WWC1: variants seen among roughly 807,000 people sequenced by gnomAD.
WWC1 encodes the protein protein KIBRA.
Under a neutral mutation model 138.4 loss-of-function variants are expected in WWC1, and 55 were observed. The observed-to-expected ratio is 0.40, with a 90% CI of 0.32 to 0.50. WWC1 has a LOEUF of 0.50. WWC1 is among the 20% of genes least tolerant of loss of function. The pLI is 0.72. For missense variants in WWC1, 1,226 were observed against 1,420.4 expected (o/e 0.86, Z 2.20); for synonymous variants, 524 against 564.9 (o/e 0.93, Z 1.03).
At chr5:168,423,448 G>C in intron 10 of WWC1, 85 bp from the exon 11 acceptor site, 3 of 1,431,782 alleles carry the variant, frequency 2.1e-6, no homozygotes, top group Non-Finnish European at 2.8e-6. Flanking sequence ...GTGAGATCAT[G>C]GTGCTTTCCA....
At chr5:168,299,321 T>C (rs1769845809) in intron 1 of WWC1, among the ~76,000 whole-genome samples, 1 of 152,170 alleles carries the variant, frequency 6.6e-6, no homozygotes, top group Admixed American at 6.5e-5. Flanking sequence ...GGAGAGACTT[T>C]GCTAAGGAGC....
At chr5:168,332,273 T>C (rs1773094174) in intron 1 of WWC1, among the ~76,000 whole-genome samples, 1 of 152,202 alleles carries the variant, frequency 6.6e-6, no homozygotes, top group Non-Finnish European at 1.5e-5. Context: ...TATACCATAG[T>C]TCATTCATTT....
chr5:168,320,460 C>T (rs998568270), intron 1 of WWC1, among the ~76,000 whole-genome samples: 1 of 152,178 alleles, frequency 6.6e-6, no homozygotes, highest in Non-Finnish European at 1.5e-5. Context: ...GCTCTCCTTA[C>T]TAACTTGGTG....
chr5:168,394,957 C>T (rs1003378816), intron 3 of WWC1, among the ~76,000 whole-genome samples: 2 of 152,180 alleles, frequency 1.3e-5, no homozygotes, highest in Non-Finnish European at 1.5e-5. Context: ...CTTGTGTCAG[C>T]GGCTTTAGGT....
intron 1 of WWC1, among the ~76,000 whole-genome samples, chr5:168,351,996 C>G (rs895060587): frequency 6.6e-6 from 1 of 152,196 alleles, no homozygotes; most frequent in African/African-American, 2.4e-5. Context: ...GCAGCAGATT[C>G]CGATCTCAGA....
chr5:168,400,098 T>A (rs751045961), intron 5 of WWC1, among the ~76,000 whole-genome samples: 2 of 152,124 alleles, frequency 1.3e-5, no homozygotes, highest in South Asian at 4.2e-4. Flanking sequence ...CAGGATAACT[T>A]TCACCAAATG....
In WWC1 at chr5:168,451,582, T is replaced by G. The variant is rs554970424; in HGVS notation, c.2526-2386T>G. ...CGGGCATGGTGGCACGTGCCTGTAG[T>G]ACTAGCTACTTGGGAGGCTGAGGCA... is the stretch of plus-strand genomic sequence containing the variant. On this transcript the variant is annotated intron_variant, in intron 17 of 22. Coordinates refer to ENST00000265293, the MANE Select transcript of WWC1 (RefSeq NM_015238.3). Among the ~76,000 whole-genome samples the G allele has an allele frequency of 2.0e-5, 3 of 152,212 alleles. No individual in the cohort carries two copies. The South Asian group carries it at 6.2e-4, about 32-fold the overall frequency.
At position 168,292,601 on chromosome 5, in the gene WWC1, G is replaced by C. The variant is rs527321403; in HGVS notation, c.119+330G>C. On this transcript the variant is annotated intron_variant, in intron 1 of 22. Coordinates refer to ENST00000265293, the MANE Select transcript of WWC1 (RefSeq NM_015238.3). The surrounding 1 kb of genome is among the most constrained non-coding windows in gnomAD (Gnocchi z 4.4). ...CCCCCTTTAGGAAGAGAGGTCGGGC[G>C]GGGGCGGGGGTTGGGGGAGCGACCT... 5.0e-4 allele frequency among the ~76,000 whole-genome samples: 76 copies of C among 152,178 alleles called. No individual in the cohort carries two copies. The highest frequency in any genetic ancestry group is 1.8e-3 in the African/African-American group (74 of 41,534).
At chr5:168,449,557 A>G (rs1231043883) in intron 17 of WWC1, among the ~76,000 whole-genome samples, 4 of 143,722 alleles carry the variant, frequency 2.8e-5, no homozygotes, top group Non-Finnish European at 4.5e-5. Flanking sequence ...GTGTGTTCAC[A>G]TGTTTAACAG....
chr5:168,415,722 A>G (rs1780550907), intron 9 of WWC1: 2 of 135,966 alleles, frequency 1.5e-5, no homozygotes, highest in South Asian at 4.7e-4. Flanking sequence ...ATTTTTTGGC[A>G]GGAGCCTTTA....
At chr5:168,295,519 T>TGTGTGTGTGTGTGTG (rs70976473) in intron 1 of WWC1, among the ~76,000 whole-genome samples, 2 of 151,580 alleles carry the variant, frequency 1.3e-5, no homozygotes, top group African/African-American at 4.9e-5. Context: ...TGTGTGTGTG[T>TGTGTGTGTGTGTGTG]TTATTTGCCT....
At chr5:168,304,772 A>C (rs1659724544) in intron 1 of WWC1, among the ~76,000 whole-genome samples, 1 of 152,076 alleles carries the variant, frequency 6.6e-6, no homozygotes, top group African/African-American at 2.4e-5. Flanking sequence ...GGATTGCAGA[A>C]TCGCCTGAGC....
intron 16 of WWC1, among the ~76,000 whole-genome samples, chr5:168,444,186 A>G (rs1755033553): frequency 6.6e-6 from 1 of 152,214 alleles, no homozygotes; most frequent in Non-Finnish European, 1.5e-5. Context: ...GTCTGATGAC[A>G]CTGTGGTCTG....
At position 168,431,322 on chromosome 5, in the gene WWC1, G is replaced by T. The variant is rs141513893; in HGVS notation, c.2158G>T (p.Ala720Ser). Reference protein sequence around the residue: ...TCLFRTRPLDASDTLVFNEVF... With the variant: ...TCLFRTRPLDSSDTLVFNEVF... ...CCTGTTCCGGACCCGGCCTCTGGACGCCTCAGACACTCTAGTGTTCAATGA... is the reference window on the plus strand; with the variant it reads ...CCTGTTCCGGACCCGGCCTCTGGACTCCTCAGACACTCTAGTGTTCAATGA... Residue 720 changes from alanine (A) to serine (S), a missense_variant, in exon 15 of 23, where the codon GCC becomes TCC. Physicochemically the swap from Ala to Ser is moderately conservative, Grantham distance 99. Transcript: ENST00000265293. The T allele has an allele frequency of 1.2e-6, 2 of 1,614,134 alleles. No individual in the cohort carries two copies. Among genetic ancestry groups the T allele is most frequent in the Non-Finnish European group, 1.7e-6 (2 of 1,180,010 alleles).
chr5:168,455,517 C>T lies in WWC1; in HGVS notation c.2820C>T (p.Cys940=). 1 of 1,612,474 alleles carries T rather than the reference C, an allele frequency of 6.2e-7. No homozygotes were observed. The highest frequency in any genetic ancestry group is 8.5e-7 in the Non-Finnish European group (1 of 1,179,262). Residue 940 remains cysteine (C), a synonymous_variant, in exon 19 of 23, where the codon TGC becomes TGT. Transcript: ENST00000265293. ...CAGGACCCCAGAGCCAGTACGTGTG[C>T]CGGGTAAGTGAGCGTGCGGCCCTCT... ...FSPGPQSQYV[C]RLNRSDSDSS...
At chr5:168,385,629 C>T (rs1174554524) in intron 3 of WWC1, among the ~76,000 whole-genome samples, 3 of 152,176 alleles carry the variant, frequency 2.0e-5, no homozygotes, top group Non-Finnish European at 4.4e-5. Context: ...GTAATCATCT[C>T]AGAATGCCAG....
At chr5:168,399,429 A>G in intron 4 of WWC1, 59 bp from the exon 5 acceptor site, 1 of 1,593,166 alleles carries the variant, frequency 6.3e-7, no homozygotes, top group Non-Finnish European at 8.6e-7. Context: ...GGGAGAAGGC[A>G]GCCTGCACCT....
chr5:168,425,398 A>G (rs1781426246), intron 11 of WWC1, among the ~76,000 whole-genome samples: 1 of 152,108 alleles, frequency 6.6e-6, no homozygotes, highest in African/African-American at 2.4e-5. Flanking sequence ...GCTATGATAT[A>G]TAGCGTACAG....
At chr5:168,408,774 T>C in intron 7 of WWC1, 121 bp downstream of exon 7, 1 of 1,373,896 alleles carries the variant, frequency 7.3e-7, no homozygotes, top group Non-Finnish European at 1.0e-6. Context: ...TCTGCAGGGC[T>C]GGCTGCTGCC....
Sources: allele counts gnomAD v4.1 joint callset (sites outside exome capture counted in the v4.1 genomes callset), GRCh38; gene constraint gnomAD v4.1.1; non-coding constraint Gnocchi (gnomAD v3.1); transcripts MANE v1.5; gene names NCBI Gene and HGNC (gene_info 2026-07-23, HGNC 2026-07-21).